The following CBFA2T2 variants were observed in gnomAD, a reference collection of about 807,000 sequenced individuals.
CBFA2T2 encodes CBFA2/RUNX1 partner transcriptional co-repressor 2.
A neutral mutation model predicts 62.2 loss-of-function variants in CBFA2T2; 11 were observed. The ratio of observed to expected loss-of-function variants is 0.18; its 90% CI spans 0.11 to 0.29. CBFA2T2 has a LOEUF of 0.29. Ranked by LOEUF, CBFA2T2 falls within the 10% of genes least tolerant of loss-of-function variation. The probability of loss-of-function intolerance (pLI) is 1.00; values close to 1 mark genes in which losing one functional copy is unlikely to be tolerated. For missense variants in CBFA2T2, 592 were observed against 774.1 expected (o/e 0.76, Z 2.79); for synonymous variants, 295 against 287.5 (o/e 1.03, Z -0.27).
chr20:33,611,844 G>A (rs140806100), intron 3 of CBFA2T2, among the ~76,000 whole-genome samples: 3 of 152,232 alleles, frequency 2.0e-5, no homozygotes, highest in African/African-American at 4.8e-5. Flanking sequence ...AGAAACAATC[G>A]ATAATGTTTA....
At chr20:33,560,073 C>T (rs2013034384) in intron 1 of CBFA2T2, among the ~76,000 whole-genome samples, 1 of 152,170 alleles carries the variant, frequency 6.6e-6, no homozygotes, top group Non-Finnish European at 1.5e-5. Flanking sequence ...CAGTATTTAT[C>T]ACCTCACATG....
At chr20:33,535,613 T>A (rs1396978433) in intron 1 of CBFA2T2, among the ~76,000 whole-genome samples, 1 of 146,792 alleles carries the variant, frequency 6.8e-6, no homozygotes, top group African/African-American at 2.6e-5. Flanking sequence ...TTTTTATTTT[T>A]TTATTTTTTC....
intron 1 of CBFA2T2, among the ~76,000 whole-genome samples, chr20:33,519,633 A>G (rs1275164573): frequency 6.6e-6 from 1 of 152,164 alleles, no homozygotes; most frequent in East Asian, 1.9e-4. Flanking sequence ...AACTCTGTGT[A>G]TGGTATACAC....
At chr20:33,627,440 T>TG (rs1198453368) in intron 6 of CBFA2T2, among the ~76,000 whole-genome samples, 1 of 151,626 alleles carries the variant, frequency 6.6e-6, no homozygotes, top group Non-Finnish European at 1.5e-5. Context: ...AATAGCACAG[T>TG]GGGGGAAAAA....
At chr20:33,625,819 G>A (rs1464408124) in intron 6 of CBFA2T2, among the ~76,000 whole-genome samples, 3 of 152,000 alleles carry the variant, frequency 2.0e-5, no homozygotes, top group Non-Finnish European at 4.4e-5. Context: ...TGAGGCAGGA[G>A]GGGCTGGGCG....
At chr20:33,511,834 A>G (rs2011516895) in intron 1 of CBFA2T2, among the ~76,000 whole-genome samples, 1 of 152,096 alleles carries the variant, frequency 6.6e-6, no homozygotes, top group African/African-American at 2.4e-5. Context: ...GCAGTGAGCC[A>G]TGATCATGCC....
chr20:33,553,225 A>T (rs1021527868), intron 1 of CBFA2T2, among the ~76,000 whole-genome samples: 1 of 151,960 alleles, frequency 6.6e-6, no homozygotes, highest in Non-Finnish European at 1.5e-5. Flanking sequence ...ATCAGAGTTT[A>T]GTTTATGTTT....
chr20:33,536,240 G>A (rs2012223848), intron 1 of CBFA2T2, among the ~76,000 whole-genome samples: 1 of 147,450 alleles, frequency 6.8e-6, no homozygotes, highest in Non-Finnish European at 1.5e-5. Context: ...ATCCCAGTAG[G>A]GGCGGCCGGG....
Position 33,634,159 on chromosome 20 carries a change from G to A in CBFA2T2, c.1229-2481G>A, listed in dbSNP as rs112779844. On this transcript the variant is annotated intron_variant, in intron 8 of 10. Coordinates refer to ENST00000342704, the MANE Select transcript of CBFA2T2 (RefSeq NM_001032999.3). ...AATTTTTGTATTTTTAGTAAAGACG[G>A]GGTTTCACCATGTTAGTCAGGTCGG... Among the ~76,000 whole-genome samples the A allele has an allele frequency of 4.7e-4, 71 of 152,158 alleles. 1 individual carries two copies. Among genetic ancestry groups the A allele is most frequent in the African/African-American group, 1.7e-3 (70 of 41,510 alleles).
intron 1 of CBFA2T2, among the ~76,000 whole-genome samples, chr20:33,563,291 A>C (rs1002313195): frequency 6.6e-6 from 1 of 152,206 alleles, no homozygotes; most frequent in Non-Finnish European, 1.5e-5. Flanking sequence ...TTTGTGATGC[A>C]ATAAATTCAT....
chr20:33,500,879 T>C (rs1600900795), intron 1 of CBFA2T2, among the ~76,000 whole-genome samples: 1 of 152,298 alleles, frequency 6.6e-6, no homozygotes, highest in Non-Finnish European at 1.5e-5. Flanking sequence ...ATTCATCCCA[T>C]ATGTTTCCTG....
chr20:33,503,742 G>A (rs2011345828), intron 1 of CBFA2T2, among the ~76,000 whole-genome samples: 2 of 151,882 alleles, frequency 1.3e-5, no homozygotes, highest in African/African-American at 2.4e-5. Flanking sequence ...GGCTGGCCTC[G>A]AACTCCTGGC....
chr20:33,623,634 C>G, intron 5 of CBFA2T2: 2 of 638,276 alleles, frequency 3.1e-6, no homozygotes, highest in Non-Finnish European at 2.8e-6. Flanking sequence ...GTTGCCCAGG[C>G]TGGTCTCAAA....
At position 33,561,160 on chromosome 20, in the gene CBFA2T2, G is replaced by A. The variant is rs149689336; in HGVS notation, c.35-45796G>A. ...AAAAGTGCTGGGATTACTGGTGTGA[G>A]CCACAGTGCCTGGCCTTTCTTTTTC... On this transcript the variant is annotated intron_variant, in intron 1 of 10. Transcript: ENST00000342704. Among the ~76,000 whole-genome samples the A allele has an allele frequency of 3.7e-4, 57 of 152,326 alleles. No individual in the cohort carries two copies. In the East Asian group the frequency reaches 6.4e-3, roughly 17 times the overall value.
chr20:33,581,984 G>C (rs1019057688), intron 1 of CBFA2T2, among the ~76,000 whole-genome samples: 2 of 152,182 alleles, frequency 1.3e-5, no homozygotes, highest in Non-Finnish European at 2.9e-5. Flanking sequence ...CAGAATCTGA[G>C]ATGATGTAAT....
intron 6 of CBFA2T2, 97 bp from the exon 7 acceptor site, chr20:33,628,253 T>C: frequency 1.2e-6 from 1 of 823,934 alleles, no homozygotes; most frequent in East Asian, 2.5e-5. Flanking sequence ...AGTAGTGTGA[T>C]CAAAGTTATT....
intron 8 of CBFA2T2, among the ~76,000 whole-genome samples, chr20:33,635,075 C>G (rs2016589171): frequency 6.6e-6 from 1 of 152,006 alleles, no homozygotes; most frequent in African/African-American, 2.4e-5. Context: ...TGAAATAATT[C>G]CAAAAAATTA....
rs142619958 is a variant in CBFA2T2, at chr20:33,545,439, CTCTTTCTT to C, written c.34+55165_34+55172del. Reference sequence around the variant, plus strand: ...TAGCTCTCATTAAGACTCTTTCTTTCTCTTTCTTTCTTTCTTTCTTTCTTTCTTTCTTT... The same window carrying C: ...TAGCTCTCATTAAGACTCTTTCTTTCTCTTTCTTTCTTTCTTTCTTTCTTT... On this transcript the variant is annotated intron_variant, in intron 1 of 10. Coordinates refer to ENST00000342704, the MANE Select transcript of CBFA2T2 (RefSeq NM_001032999.3). 2.5e-3 allele frequency among the ~76,000 whole-genome samples: 366 copies of C among 148,264 alleles called. 1 individual carries two copies. Among genetic ancestry groups the C allele is most frequent in the East Asian group, 0.012 (59 of 4,962 alleles).
chr20:33,593,756 A>G (rs1417913505), intron 1 of CBFA2T2, among the ~76,000 whole-genome samples: 1 of 147,558 alleles, frequency 6.8e-6, no homozygotes, highest in East Asian at 2.1e-4. Context: ...TAATCATGTA[A>G]TCTCTGTAAA....
Sources: gnomAD v4.1 joint callset for allele counts (sites outside exome capture counted in the v4.1 genomes callset) on GRCh38, gnomAD v4.1.1 for gene constraint, MANE v1.5 for transcripts, NCBI Gene and HGNC (gene_info 2026-07-23, HGNC 2026-07-21) for gene names.